NINJ2: variants seen among roughly 807,000 people sequenced by gnomAD.
NINJ2 encodes ninjurin-2.
In NINJ2, 12 loss-of-function variants were observed where a neutral mutation model predicts 11.7. That is an observed-to-expected ratio of 1.02 (90% confidence interval 0.66 to 1.66). NINJ2 has a LOEUF of 1.66. NINJ2 is among the 40% of genes most tolerant of loss of function. NINJ2 has a pLI of 0.00. For synonymous variants in NINJ2, 93 were observed against 76.8 expected, an observed-to-expected ratio of 1.21 and a Z score of -1.10; for missense variants, 187 against 181.8, an observed-to-expected ratio of 1.03 and a Z score of -0.16.
intron 1 of NINJ2, among the ~76,000 whole-genome samples, chr12:611,438 C>T (rs749801829): frequency 5.9e-5 from 9 of 152,030 alleles, no homozygotes; most frequent in Non-Finnish European, 1.0e-4. Context: ...CCTGGGTTTA[C>T]GCAATTCTCC....
intron 1 of NINJ2, among the ~76,000 whole-genome samples, chr12:566,633 T>C (rs1860614): frequency 0.46 from 70,107 of 152,066 alleles, 17,429 homozygotes; most frequent in East Asian, 0.78. Context: ...CGCATAATGC[T>C]GTGGCCCCCA....
chr12:565,535 G>A (rs567002578), intron 2 of NINJ2, 134 bp from the exon 3 acceptor site: 23 of 933,480 alleles, frequency 2.5e-5, no homozygotes, highest in Middle Eastern at 3.4e-4. Context: ...GGAGGTGGTC[G>A]TCATCGGGCT....
chr12:576,275 C>T (rs1311847940), intron 1 of NINJ2, among the ~76,000 whole-genome samples: 1 of 152,138 alleles, frequency 6.6e-6, no homozygotes, highest in Non-Finnish European at 1.5e-5. Flanking sequence ...CGCCGTTGTC[C>T]ACCAGGGGGC....
intron 1 of NINJ2, among the ~76,000 whole-genome samples, chr12:654,798 A>G (rs1937849813): frequency 2.0e-5 from 3 of 151,786 alleles, no homozygotes; most frequent in Non-Finnish European, 4.4e-5. Context: ...AGGCTGAGGC[A>G]GGGGAATCAC....
intron 1 of NINJ2, among the ~76,000 whole-genome samples, chr12:597,515 C>T (rs1377737775): frequency 6.6e-6 from 1 of 152,136 alleles, no homozygotes; most frequent in African/African-American, 2.4e-5. Context: ...TTATAAGGAA[C>T]AAACAAGTGA....
At chr12:601,479 C>T (rs1023447430) in intron 1 of NINJ2, among the ~76,000 whole-genome samples, 2 of 151,262 alleles carry the variant, frequency 1.3e-5, no homozygotes, top group Non-Finnish European at 2.9e-5. Context: ...ACCTGGGAGG[C>T]GGAGCTTACA....
At chr12:612,164 A>G (rs1416342223) in intron 1 of NINJ2, among the ~76,000 whole-genome samples, 1 of 152,192 alleles carries the variant, frequency 6.6e-6, no homozygotes, top group Non-Finnish European at 1.5e-5. Context: ...TTGGGTCCCA[A>G]ACACCGTGGA....
intron 1 of NINJ2, among the ~76,000 whole-genome samples, chr12:603,684 G>A (rs997621388): frequency 6.7e-6 from 1 of 149,996 alleles, no homozygotes; most frequent in Non-Finnish European, 1.5e-5. Context: ...TTTTTGAGAC[G>A]GAGTCTCAGC....
At chr12:584,498 C>T (rs1327816132) in intron 1 of NINJ2, among the ~76,000 whole-genome samples, 1 of 152,058 alleles carries the variant, frequency 6.6e-6, no homozygotes, top group Non-Finnish European at 1.5e-5. Context: ...TAGTGAAACC[C>T]TATCTCTACT....
chr12:629,775 T>C (rs1948249768), intron 1 of NINJ2, among the ~76,000 whole-genome samples: 1 of 149,676 alleles, frequency 6.7e-6, no homozygotes, highest in African/African-American at 2.5e-5. Context: ...TAATCCCAGC[T>C]ACTCAGGAGA....
intron 1 of NINJ2, among the ~76,000 whole-genome samples, chr12:610,954 C>A (rs867467231): frequency 1.3e-5 from 2 of 152,140 alleles, no homozygotes; most frequent in Middle Eastern, 6.8e-3. Context: ...AGGCTGGTCT[C>A]AAACTCCTGA....
rs111591888 is a variant in NINJ2, at chr12:611,005, G to T, written c.34-44827C>A. Among the ~76,000 whole-genome samples the T allele has an allele frequency of 5.6e-3, 858 of 152,194 alleles. 8 individuals are homozygous for T. The highest frequency in any genetic ancestry group is 0.02 in the African/African-American group (823 of 41,532). On this transcript the variant is annotated intron_variant, in intron 1 of 3. Transcript: ENST00000305108. ...TTGCCTCAACCTCCCAAAATGCTGG[G>T]ATTACAGGCATAAGCCACGGCACCT...
intron 1 of NINJ2, chr12:644,415 T>C (rs1176243034): frequency 1.3e-5 from 2 of 152,200 alleles, no homozygotes; most frequent in Non-Finnish European, 2.9e-5. Context: ...ACTACTGCTA[T>C]TCCCATTTTA....
intron 1 of NINJ2, among the ~76,000 whole-genome samples, chr12:579,234 G>A (rs1219507551): frequency 6.6e-6 from 1 of 152,230 alleles, no homozygotes; most frequent in Admixed American, 6.5e-5. Flanking sequence ...AAGTAGATCA[G>A]ATCTGACAGT....
At chr12:576,219 C>A (rs1349667698) in intron 1 of NINJ2, among the ~76,000 whole-genome samples, 1 of 152,224 alleles carries the variant, frequency 6.6e-6, no homozygotes, top group Non-Finnish European at 1.5e-5. Context: ...AGCTGCAGCA[C>A]CGAGAGGCCA....
chr12:568,889 C>T (rs958929800), intron 1 of NINJ2, among the ~76,000 whole-genome samples: 8 of 104,338 alleles, frequency 7.7e-5, no homozygotes, highest in South Asian at 3.1e-4. Context: ...CCCCCCCCCC[C>T]GCCCCCCGGG....
intron 1 of NINJ2, among the ~76,000 whole-genome samples, chr12:607,761 T>C (rs1191303181): frequency 6.6e-6 from 1 of 152,034 alleles, no homozygotes; most frequent in African/African-American, 2.4e-5. Context: ...AGCTCCAAAT[T>C]GCTTTTTCAG....
At chr12:565,794 G>C in intron 2 of NINJ2, 156 bp downstream of exon 2, 1 of 734,200 alleles carries the variant, frequency 1.4e-6, no homozygotes, top group Non-Finnish European at 2.4e-6. Context: ...GTGGAAGTTG[G>C]TCTTTGGGCC....
chr12:655,157 C>T (rs190146631), intron 1 of NINJ2, among the ~76,000 whole-genome samples: 132 of 152,250 alleles, frequency 8.7e-4, no homozygotes, highest in African/African-American at 3.1e-3. Context: ...AGATTAGAAA[C>T]AGGCAAGGAT....
Sources: allele counts gnomAD v4.1 joint callset (sites outside exome capture counted in the v4.1 genomes callset), GRCh38; gene constraint gnomAD v4.1.1; transcripts MANE v1.5; gene names NCBI Gene and HGNC (gene_info 2026-07-23, HGNC 2026-07-21).